The following DPY30 variants were observed in gnomAD, a reference collection of about 807,000 sequenced individuals.
The protein encoded by DPY30 is dpy-30 histone methyltransferase complex regulatory subunit.
A neutral mutation model predicts 16.2 loss-of-function variants in DPY30; 6 were observed. The ratio of observed to expected loss-of-function variants is 0.37; its 90% CI spans 0.20 to 0.73. DPY30 has a LOEUF of 0.73. Among genes scored for constraint, DPY30 ranks in the 30% least tolerant of loss-of-function variants. DPY30 has a pLI of 0.51. For missense variants in DPY30, 73 were observed against 113.1 expected (o/e 0.65, Z 1.61); for synonymous variants, 39 against 38.8 (o/e 1.00, Z -0.02).
chr2:32,024,123 G>T lies in DPY30; in HGVS notation c.*61C>A. On this transcript the variant is annotated 3_prime_UTR_variant, in exon 5 of 5. Transcript: ENST00000342166. ...AGAGGGAATGATCATGGCAATTAAA[G>T]CTGCCTCTTAATCATGTAAATCTAC... 1.9e-6 allele frequency: 3 copies of T among 1,576,178 alleles called. No homozygotes were observed. The highest frequency in any genetic ancestry group is 2.6e-6 in the Non-Finnish European group (3 of 1,160,964).
chr2:32,031,281 G>A (rs958254078), intron 3 of DPY30, among the ~76,000 whole-genome samples: 3 of 151,950 alleles, frequency 2.0e-5, no homozygotes, highest in East Asian at 1.9e-4. Flanking sequence ...TTAGCCGGGC[G>A]TGGTAGTGCA....
chr2:32,039,664 T>C (rs892492715), intron 1 of DPY30, 69 bp downstream of exon 1: 1 of 618,726 alleles, frequency 1.6e-6, no homozygotes, highest in Non-Finnish European at 2.8e-6. Context: ...CTACATGGGG[T>C]CTGGAAACTC....
At chr2:32,023,630 T>G, downstream of DPY30, 1 of 859,920 alleles carries the variant, frequency 1.2e-6, no homozygotes, top group Non-Finnish European at 1.7e-6. Flanking sequence ...GTATCCCCTT[T>G]GCAATGCTTT....
intron 3 of DPY30, among the ~76,000 whole-genome samples, chr2:32,038,135 CTTTTT>C (rs35016868): frequency 1.9e-5 from 2 of 108,054 alleles, no homozygotes; most frequent in Non-Finnish European, 1.9e-5. Context: ...CATTTTCTTT[CTTTTT>C]TTTTTTTTTT....
At chr2:32,013,358 T>C (rs993620540) in intron 5 of DPY30, 2 of 152,192 alleles carry the variant, frequency 1.3e-5, no homozygotes, top group Non-Finnish European at 1.5e-5. Context: ...CACAATGCAA[T>C]TGAACTGAAA....
At chr2:32,037,622 A>T (rs1675794573) in intron 3 of DPY30, among the ~76,000 whole-genome samples, 1 of 151,842 alleles carries the variant, frequency 6.6e-6, no homozygotes, top group African/African-American at 2.4e-5. Context: ...CAGTGGCACA[A>T]TCTTGGCTCA....
intron 4 of DPY30, among the ~76,000 whole-genome samples, chr2:32,027,087 C>T (rs1423248399): frequency 6.6e-6 from 1 of 151,520 alleles, no homozygotes; most frequent in East Asian, 1.9e-4. Flanking sequence ...ACCAGCCTGG[C>T]CAACATGGTG....
intron 5 of DPY30, among the ~76,000 whole-genome samples, chr2:32,017,593 C>T (rs1675089093): frequency 7.5e-6 from 1 of 134,028 alleles, no homozygotes; most frequent in African/African-American, 2.8e-5. Flanking sequence ...CCAGCCTGGG[C>T]AAGAAGACCA....
At chr2:32,027,134 C>G (rs1377815770) in intron 4 of DPY30, among the ~76,000 whole-genome samples, 1 of 145,248 alleles carries the variant, frequency 6.9e-6, no homozygotes, top group Non-Finnish European at 1.5e-5. Flanking sequence ...AAATTAGCCA[C>G]GTGTGGTGGC....
At chr2:32,029,458 G>T in intron 4 of DPY30, 136 bp downstream of exon 4, 1 of 1,016,506 alleles carries the variant, frequency 9.8e-7, no homozygotes, top group Non-Finnish European at 1.4e-6. Context: ...TGAGATTATG[G>T]CTGAATACTT....
chr2:32,035,605 C>A (rs1283114355), intron 3 of DPY30, among the ~76,000 whole-genome samples: 1 of 147,446 alleles, frequency 6.8e-6, no homozygotes, highest in Admixed American at 6.8e-5. Context: ...AAAAAAAAAA[C>A]ATTTATAATA....
intron 5 of DPY30, among the ~76,000 whole-genome samples, chr2:32,015,533 A>C (rs1675048084): frequency 6.6e-6 from 1 of 152,112 alleles, no homozygotes; most frequent in Non-Finnish European, 1.5e-5. Context: ...TAGGACTCTC[A>C]GAAATGGAAC....
intron 4 of DPY30, among the ~76,000 whole-genome samples, chr2:32,025,379 C>T (rs1325825543): frequency 1.3e-5 from 2 of 152,068 alleles, no homozygotes; most frequent in African/African-American, 4.8e-5. Context: ...AGAAGAATCA[C>T]TTGAACCCGG....
At chr2:32,021,876 C>T (rs1401215201), downstream of DPY30, among the ~76,000 whole-genome samples, 1 of 151,948 alleles carries the variant, frequency 6.6e-6, no homozygotes, top group Non-Finnish European at 1.5e-5. Flanking sequence ...TGAGAATCGT[C>T]GGTAAAGAAC....
intron 3 of DPY30, among the ~76,000 whole-genome samples, chr2:32,033,392 G>T (rs1215874276): frequency 6.6e-6 from 1 of 152,012 alleles, no homozygotes. Context: ...GAGCAATGTG[G>T]CCGGGCATGG....
intron 3 of DPY30, among the ~76,000 whole-genome samples, chr2:32,038,978 T>C (rs1440930494): frequency 6.6e-6 from 1 of 152,172 alleles, no homozygotes; most frequent in East Asian, 1.9e-4. Context: ...ATGCGGTTTT[T>C]ACGTAGCAAC....
chr2:32,015,095 A>T (rs1055726189), intron 5 of DPY30, among the ~76,000 whole-genome samples: 1 of 151,194 alleles, frequency 6.6e-6, no homozygotes, highest in Non-Finnish European at 1.5e-5. Flanking sequence ...AAAAAAAAAA[A>T]CCTCTATTTT....
chr2:32,027,961 G>C (rs1354031946), intron 4 of DPY30, among the ~76,000 whole-genome samples: 1 of 152,026 alleles, frequency 6.6e-6, no homozygotes, highest in Non-Finnish European at 1.5e-5. Context: ...TGATAGTAGA[G>C]CCAAGATATA....
chr2:32,035,277 G>A (rs1038627318), intron 3 of DPY30, among the ~76,000 whole-genome samples: 2 of 151,752 alleles, frequency 1.3e-5, no homozygotes, highest in Non-Finnish European at 2.9e-5. Flanking sequence ...AGCAAGACTC[G>A]GTCTTAAAAA....
Sources: allele counts gnomAD v4.1 joint callset (sites outside exome capture counted in the v4.1 genomes callset), GRCh38; gene constraint gnomAD v4.1.1; transcripts MANE v1.5; gene names NCBI Gene and HGNC (gene_info 2026-07-23, HGNC 2026-07-21).